The following APC variants were observed in gnomAD, a reference collection of about 807,000 sequenced individuals.
APC encodes the protein adenomatous polyposis coli protein.
In APC, 72 loss-of-function variants were observed where a neutral mutation model predicts 247.0. The ratio of observed to expected loss-of-function variants is 0.29; its 90% CI spans 0.24 to 0.35. The LOEUF (loss-of-function observed/expected upper bound fraction) is 0.35, where lower values mean the gene tolerates loss of function less well. Among genes scored for constraint, APC ranks in the 10% least tolerant of loss-of-function variants. The pLI, the probability that APC is intolerant of heterozygous loss-of-function variation, is 1.00. For synonymous variants in APC, 1,254 were observed against 1,162.5 expected (o/e 1.08, Z -1.60); for missense variants, 3,400 against 3,360.7 (o/e 1.01, Z -0.29).
intron 6 of APC, among the ~76,000 whole-genome samples, chr5:112,781,697 G>A (rs77931150): frequency 6.6e-6 from 1 of 151,712 alleles, no homozygotes; most frequent in African/African-American, 2.4e-5. Context: ...AATGGCTACT[G>A]TAGGATATTT....
At chr5:112,746,801 A>G (rs1375295339) in intron 1 of APC, among the ~76,000 whole-genome samples, 1 of 152,246 alleles carries the variant, frequency 6.6e-6, no homozygotes, top group South Asian at 2.1e-4. Context: ...CAAGCTAACA[A>G]TAAAACGTGA....
At position 112,841,084 on chromosome 5, in the gene APC, T is replaced by G. The variant is rs1554086766; in HGVS notation, c.5490T>G (p.Asn1830Lys). Reference protein sequence around the residue: ...SKVFNDKLPNNEDRVRGSFAF... With the variant: ...SKVFNDKLPNKEDRVRGSFAF... ...TCTTCAATGATAAGCTCCCAAATAA[T>G]GAAGATAGAGTCAGAGGAAGTTTTG... The change falls in exon 16 of 16, where the codon AAT becomes AAG. Residue 1830 changes from asparagine (N) to lysine (K), a missense_variant. This residue lies in a region of APC where 1,788 missense variants were observed against 1,649.5 expected (regional missense o/e 1.08). Transcript: ENST00000257430. This position sits in a 1 kb window ranked among gnomAD's most constrained non-coding sequence, Gnocchi z 4.6. 5 of 1,612,910 alleles carry G rather than the reference T, an allele frequency of 3.1e-6. No homozygotes were observed. Among genetic ancestry groups the G allele is most frequent in the Non-Finnish European group, 4.2e-6 (5 of 1,178,956 alleles).
rs1259394987 is a variant in APC, at chr5:112,754,889, G to C, written c.-2G>C. On this transcript the variant is annotated 5_prime_UTR_variant, in exon 2 of 16. Coordinates refer to ENST00000257430, the MANE Select transcript of APC (RefSeq NM_000038.6). Reference sequence around the variant, plus strand: ...ACCTTATAGGTCCAAGGGTAGCCAAGGATGGCTGCAGCTTCATATGATCAG... The same window carrying C: ...ACCTTATAGGTCCAAGGGTAGCCAACGATGGCTGCAGCTTCATATGATCAG... 1 of 1,613,602 alleles carries C rather than the reference G, an allele frequency of 6.2e-7. No individual in the cohort carries two copies. The highest frequency in any genetic ancestry group is 1.1e-5 in the South Asian group (1 of 91,054).
At chr5:112,744,562 A>G (rs1478143134) in intron 1 of APC, among the ~76,000 whole-genome samples, 1 of 152,222 alleles carries the variant, frequency 6.6e-6, no homozygotes, top group Admixed American at 6.5e-5. Flanking sequence ...CAGCAGGAAG[A>G]TTCATTATTG....
chr5:112,780,464 T>C (rs1252546341), intron 5 of APC, among the ~76,000 whole-genome samples: 1 of 152,210 alleles, frequency 6.6e-6, no homozygotes, highest in Non-Finnish European at 1.5e-5. Flanking sequence ...GCCTCTTCAG[T>C]AGAGAAGAGT....
intron 8 of APC, chr5:112,809,995 C>CA (rs1280791584): frequency 0.021 from 6,329 of 298,696 alleles, no homozygotes; most frequent in South Asian, 0.034. Flanking sequence ...GACTCCGTCT[C>CA]AAAAAAAAAA....
chr5:112,789,484 A>G (rs1759333915), intron 6 of APC, among the ~76,000 whole-genome samples: 1 of 152,240 alleles, frequency 6.6e-6, no homozygotes, highest in South Asian at 2.1e-4. Flanking sequence ...ATCAAGACAT[A>G]GACATGACCT....
intron 1 of APC, among the ~76,000 whole-genome samples, 152 bp downstream of exon 1, chr5:112,738,077 C>T (rs1752535815): frequency 6.6e-6 from 1 of 152,144 alleles, no homozygotes; most frequent in South Asian, 2.1e-4. Flanking sequence ...CCCCCCGCCC[C>T]CCACTGCAGC....
intron 7 of APC, among the ~76,000 whole-genome samples, chr5:112,795,105 C>T (rs1429225209): frequency 6.6e-6 from 1 of 152,196 alleles, no homozygotes; most frequent in Non-Finnish European, 1.5e-5. Context: ...TGGCACACTG[C>T]AACCTCCGCC....
intron 1 of APC, among the ~76,000 whole-genome samples, chr5:112,740,524 C>CTTTTTTTTTTTTTTTTTTTTTTTT (rs11286305): frequency 3.0e-5 from 3 of 99,136 alleles, no homozygotes; most frequent in Admixed American, 1.2e-4. Context: ...GTTTTTTTTT[C>CTTTTTTTTTTTTTTTTTTTTTTTT]TTTTTTTTTT....
chr5:112,752,353 A>G (rs1754479390), intron 1 of APC, among the ~76,000 whole-genome samples: 2 of 152,158 alleles, frequency 1.3e-5, no homozygotes, highest in Non-Finnish European at 2.9e-5. Context: ...CCAGCCTGAA[A>G]TTTTTTGCTT....
intron 1 of APC, among the ~76,000 whole-genome samples, chr5:112,725,071 C>T (rs1166484850): frequency 6.6e-6 from 1 of 152,104 alleles, no homozygotes; most frequent in African/African-American, 2.4e-5. Context: ...GCAACCTCTG[C>T]CTCCTGGATT....
chr5:112,830,859 C>T (rs1301620078), intron 14 of APC, among the ~76,000 whole-genome samples: 2 of 152,102 alleles, frequency 1.3e-5, no homozygotes, highest in Admixed American at 1.3e-4. Context: ...CTTGATTGGA[C>T]TGGCAGTTTT....
intron 10 of APC, 108 bp from the exon 11 acceptor site, chr5:112,821,788 C>G: frequency 1.2e-6 from 1 of 832,404 alleles, no homozygotes; most frequent in South Asian, 1.5e-5. Context: ...ACTAAAATTC[C>G]GTGAATTAGG....
intron 8 of APC, 134 bp downstream of exon 8, chr5:112,801,517 A>C: frequency 3.2e-6 from 2 of 624,586 alleles, no homozygotes; most frequent in Admixed American, 2.5e-5. Context: ...AGAAGCATTC[A>C]GTACCAATGT....
chr5:112,737,800 A>T, upstream of APC: 1 of 979,970 alleles, frequency 1.0e-6, no homozygotes, highest in Non-Finnish European at 1.2e-6. Flanking sequence ...GGCGCTCCCC[A>T]TTCCCGTCGG....
chr5:112,762,897 A>G (rs1050039334), intron 2 of APC, among the ~76,000 whole-genome samples: 1 of 152,236 alleles, frequency 6.6e-6, no homozygotes, highest in African/African-American at 2.4e-5. Flanking sequence ...ACAGCAAACT[A>G]GTAAATAATG....
intron 1 of APC, among the ~76,000 whole-genome samples, chr5:112,741,077 A>C (rs760934356): frequency 4.6e-5 from 7 of 152,186 alleles, no homozygotes; most frequent in Non-Finnish European, 8.8e-5. Context: ...GATGGGTAAT[A>C]GTTTAGGAAA....
chr5:112,732,789 A>G (rs540856223), intron 1 of APC, among the ~76,000 whole-genome samples: 47 of 152,308 alleles, frequency 3.1e-4, no homozygotes, highest in Middle Eastern at 3.4e-3. Flanking sequence ...GGAAAAGGAG[A>G]TGAATTGATT....
Sources: gnomAD v4.1 joint callset for allele counts (sites outside exome capture counted in the v4.1 genomes callset) on GRCh38, gnomAD v4.1.1 for gene constraint, gnomAD v4.1.1 regional missense constraint, Gnocchi (gnomAD v3.1) non-coding constraint, MANE v1.5 for transcripts, NCBI Gene and HGNC (gene_info 2026-07-23, HGNC 2026-07-21) for gene names.